The following PLD2 variants were observed in gnomAD, a reference collection of about 807,000 sequenced individuals.
PLD2 encodes phospholipase D2.
In PLD2, 101 loss-of-function variants were observed where a neutral mutation model predicts 119.8. That is an observed-to-expected ratio of 0.84 (90% CI 0.72 to 0.99). The LOEUF is 0.99. Among genes scored for constraint, PLD2 ranks in the 50% least tolerant of loss-of-function variants. The pLI is 0.00. For missense variants in PLD2, 1,164 were observed against 1,226.8 expected, an observed-to-expected ratio of 0.95 and a Z score of 0.76; for synonymous variants, 494 against 482.8, an observed-to-expected ratio of 1.02 and a Z score of -0.30.
rs1907447133 is a variant in PLD2 at position 4,819,719 on chromosome 17, T to C, written c.2462+137T>C. The C allele has an allele frequency of 4.6e-6, 4 of 870,166 alleles. No individual in the cohort carries two copies. Among genetic ancestry groups the C allele is most frequent in the South Asian group, 3.6e-5 (2 of 55,310 alleles). 53.9% of individuals were successfully genotyped at this position (870,166 alleles called of 1,614,324 possible). A position where few individuals can be genotyped will look rare whatever the true frequency, so the allele number is the denominator to read the frequency against. ...GTACTAGATTCTCAATAGGCAAGGC[T>C]GGGCGCGGCAGCTCACGCCTCTAAT... On this transcript the variant is annotated intron_variant, in intron 23 of 24. Coordinates refer to ENST00000263088, the MANE Select transcript of PLD2 (RefSeq NM_002663.5). The surrounding 1 kb of genome is among the most constrained non-coding windows in gnomAD (Gnocchi z 4.2).
intron 23 of PLD2, among the ~76,000 whole-genome samples, chr17:4,820,130 G>A (rs1369746774): frequency 6.6e-6 from 1 of 151,206 alleles, no homozygotes; most frequent in Non-Finnish European, 1.5e-5. Context: ...TTTTAGTAGA[G>A]ATGGGGTTTC....
In PLD2 at chr17:4,822,765, C is replaced by T; in HGVS notation, c.2703C>T (p.Gly901=). 1 of 1,612,592 alleles carries T rather than the reference C, an allele frequency of 6.2e-7. No individual in the cohort carries two copies. Among genetic ancestry groups the T allele is most frequent in the South Asian group, 1.1e-5 (1 of 91,048 alleles). The stretch of plus-strand genomic sequence containing the variant: ...GGTCTGAGCTCACCCAGGTCCAGGG[C>T]CACCTGGTCCACTTCCCCCTCAAGT... The part of the protein sequence containing the change: ...LARSELTQVQ[G]HLVHFPLKFL... Residue 901 remains glycine (G), a synonymous_variant, in exon 25 of 25, where the codon GGC becomes GGT. Coordinates refer to ENST00000263088, the MANE Select transcript of PLD2 (RefSeq NM_002663.5).
At chr17:4,813,155 G>A (rs1178812713) in intron 10 of PLD2, among the ~76,000 whole-genome samples, 3 of 152,000 alleles carry the variant, frequency 2.0e-5, no homozygotes, top group East Asian at 1.9e-4. Context: ...GATTACAGGC[G>A]TGCACCACTA....
At chr17:4,814,998 A>G (rs1906831150) in intron 12 of PLD2, among the ~76,000 whole-genome samples, 1 of 152,052 alleles carries the variant, frequency 6.6e-6, no homozygotes, top group Non-Finnish European at 1.5e-5. Flanking sequence ...CTCTCACTGG[A>G]CTAGTTAATA....
chr17:4,818,599 T>C lies in PLD2; in HGVS notation c.2115T>C (p.Phe705=), dbSNP rs1156824004. ...GGNSIQAILH[F]TYRTLCRGEY... ...ACTCCATCCAGGCCATTCTGCACTT[T>C]ACTTACAGGTGACCCCCCAGGCGGA... Residue 705 remains phenylalanine, a synonymous_variant, in exon 20 of 25, where the codon TTT becomes TTC. Transcript: ENST00000263088. 8.7e-6 allele frequency: 14 copies of C among 1,611,228 alleles called. No homozygotes were observed. The highest frequency in any genetic ancestry group is 1.1e-5 in the Non-Finnish European group (13 of 1,177,548).
At position 4,810,026 on chromosome 17, in the gene PLD2, A is replaced by G; in HGVS notation, c.857A>G (p.His286Arg). ...CACGGCGTGCGGATCGATACCTCCC[A>G]CAGGTGAGGCCTCCCTGGGGTGAGA... ...ARHGVRIDTS[H>R]RSLILKCSSY... Residue 286 changes from histidine to arginine, a missense_variant, in exon 9 of 25, where the codon CAC becomes CGC. Transcript: ENST00000263088. 1 of 1,612,650 alleles carries G rather than the reference A, an allele frequency of 6.2e-7. No homozygotes were observed. The highest frequency in any genetic ancestry group is 8.5e-7 in the Non-Finnish European group (1 of 1,179,964).
Position 4,818,002 on chromosome 17 carries a change from G to A in PLD2, c.1816G>A (p.Val606Ile). The change falls in exon 18 of 25, where the codon GTC becomes ATC. Residue 606 changes from valine (V) to isoleucine (I), a missense_variant and splice_region_variant. Coordinates refer to ENST00000263088, the MANE Select transcript of PLD2 (RefSeq NM_002663.5). ...LPGGQCTTVQ[V>I]LRSVDRWSAG... ...GCACATCGCATTCACCATTCCCTAG[G>A]TCTTGCGATCAGTGGACCGCTGGTC... is the stretch of plus-strand genomic sequence containing the variant. 2 of 1,602,506 alleles carry A rather than the reference G, an allele frequency of 1.2e-6. No homozygotes were observed. The highest frequency in any genetic ancestry group is 1.7e-6 in the Non-Finnish European group (2 of 1,169,414).
In PLD2 at chr17:4,815,508, T is replaced by C. The variant is rs1343739217; in HGVS notation, c.1206T>C (p.Phe402=). The change falls in exon 13 of 25, where the codon TTT becomes TTC. Residue 402 remains phenylalanine (F), a synonymous_variant. Coordinates refer to ENST00000263088, the MANE Select transcript of PLD2 (RefSeq NM_002663.5). The stretch of plus-strand genomic sequence containing the variant: ...GTGTCCGTGTGTCTATTCTGCTGTT[T>C]AAAGAAGTGGAATTGGCCTTGGGCA... ...EEGVRVSILL[F]KEVELALGIN... 6.2e-7 allele frequency: 1 copy of C among 1,613,292 alleles called. No homozygotes were observed. Among genetic ancestry groups the C allele is most frequent in the Non-Finnish European group, 8.5e-7 (1 of 1,179,362 alleles).
intron 20 of PLD2, 47 bp from the exon 21 acceptor site, chr17:4,818,727 C>T (rs756688657): frequency 1.5e-5 from 24 of 1,610,170 alleles, no homozygotes; most frequent in Middle Eastern, 1.6e-4. Flanking sequence ...CTGACCTCCC[C>T]TCCCCTCTGC....
Position 4,808,197 on chromosome 17 carries a change from G to A in PLD2, c.241-77G>A. ...GTGGCTGGGCTGGCCCCAGGGAAGG[G>A]GCAAAAGGAGGGCTGGCCAGAGTGG... On this transcript the variant is annotated intron_variant, in intron 3 of 24. Transcript: ENST00000263088. The surrounding 1 kb of genome is among the most constrained non-coding windows in gnomAD (Gnocchi z 4.1). The A allele has an allele frequency of 6.3e-7, 1 of 1,593,090 alleles. No homozygotes were observed. Among genetic ancestry groups the A allele is most frequent in the Non-Finnish European group, 8.6e-7 (1 of 1,166,388 alleles).
At position 4,816,724 on chromosome 17, in the gene PLD2, GCAGCTGGACCGGCCTT is replaced by G. The variant is rs1567531542; in HGVS notation, c.1561_1576del (p.Gln521SerfsTer129). 6.2e-7 allele frequency: 1 copy of G among 1,614,202 alleles called. No homozygotes were observed. The highest frequency in any genetic ancestry group is 1.1e-5 in the South Asian group (1 of 91,086). On this transcript the variant is annotated frameshift_variant, in exon 15 of 25. Transcript: ENST00000263088. LOFTEE classifies it high-confidence loss of function. ...GCAATCTTATCACCAAGGACTGGGT[GCAGCTGGACCGGCCTT>G]TCGAAGGTGAAGCCTCCCACCCGCC...
rs28585446 is a variant in PLD2, at chr17:4,817,977, G to A, written c.1816-25G>A. ...TGTCTTAAAAAAGAAAAGAAATGAA[G>A]CACATCGCATTCACCATTCCCTAGG... On this transcript the variant is annotated intron_variant, in intron 17 of 24. Coordinates refer to ENST00000263088, the MANE Select transcript of PLD2 (RefSeq NM_002663.5). The A allele has an allele frequency of 2.4e-4, 356 of 1,490,668 alleles. No individual in the cohort carries two copies. In the African/African-American group the frequency reaches 3.0e-3, roughly 13 times the overall value. 92.3% of individuals were successfully genotyped at this position (1,490,668 alleles called of 1,614,324 possible).
chr17:4,818,857 G>A, intron 21 of PLD2, 34 bp downstream of exon 21: 1 of 1,606,930 alleles, frequency 6.2e-7, no homozygotes, highest in Non-Finnish European at 8.5e-7. Flanking sequence ...CAAGCCCTGG[G>A]CCCCTGGGAG....
intron 10 of PLD2, among the ~76,000 whole-genome samples, chr17:4,811,560 G>A (rs1175929079): frequency 6.6e-6 from 1 of 152,122 alleles, no homozygotes; most frequent in Non-Finnish European, 1.5e-5. Flanking sequence ...TTACAGGCGT[G>A]AGCCACCGTG....
rs756924967 is a variant in PLD2, at chr17:4,818,350, C to T, written c.1974C>T (p.Gly658=). The change falls in exon 19 of 25, where the codon GGC becomes GGT. Residue 658 remains glycine, a synonymous_variant. Transcript: ENST00000263088. ...SDGRTVLNKV[G]DEIVDRILKA... ...GGCGGACGGTTCTGAACAAGGTGGG[C>T]GATGAGATTGTGGACAGAATCCTGA... 95 of 1,613,918 alleles carry T rather than the reference C, an allele frequency of 5.9e-5. No individual in the cohort carries two copies. In the Admixed American group the frequency reaches 6.2e-4, roughly 10 times the overall value.
rs749345735 is a variant in PLD2 at position 4,817,234 on chromosome 17, CAGG to C, written c.1794_1796del (p.Gly599del). ...GCCAATCAGCTCCCCTTCACACTTC[CAGG>C]AGGGCAGTGCACCACCGTACAGGTG... On this transcript the variant is annotated inframe_deletion, in exon 17 of 25. Coordinates refer to ENST00000263088, the MANE Select transcript of PLD2 (RefSeq NM_002663.5). 3 of 1,612,944 alleles carry C rather than the reference CAGG, an allele frequency of 1.9e-6. No individual in the cohort carries two copies. Among genetic ancestry groups the C allele is most frequent in the African/African-American group, 2.7e-5 (2 of 75,010 alleles).
Position 4,818,797 on chromosome 17 carries a change from C to G in PLD2, c.2147C>G (p.Ser716Ter). 1 of 1,614,156 alleles carries G rather than the reference C, an allele frequency of 6.2e-7. No homozygotes were observed. The change falls in exon 21 of 25, where the codon TCA (serine) becomes TGA (stop). Residue 716 changes from serine to a stop codon, truncating the protein, a stop_gained. Coordinates refer to ENST00000263088, the MANE Select transcript of PLD2 (RefSeq NM_002663.5). LOFTEE classifies it high-confidence loss of function. ...AGGACCCTGTGTCGTGGGGAGTATT[C>G]AATCCTGCATCGCCTTAAAGCAGCC... Reference protein sequence around the residue: ...TYRTLCRGEYSILHRLKAAMG... With the variant: ...TYRTLCRGEY
At chr17:4,810,064 G>GT (rs1301421735) in intron 9 of PLD2, 35 bp downstream of exon 9, 1 of 1,607,312 alleles carries the variant, frequency 6.2e-7, no homozygotes, top group East Asian at 2.2e-5. Context: ...CACCAGCTGA[G>GT]TGGTGAGCCC....
intron 10 of PLD2, among the ~76,000 whole-genome samples, chr17:4,811,297 C>CTTTTTTTTTTTTT (rs35190261): frequency 1.0e-4 from 8 of 77,848 alleles, no homozygotes; most frequent in South Asian, 4.8e-4. Flanking sequence ...ATTTTCTTTT[C>CTTTTTTTTTTTTT]TTTTTTTTTT....
Sources: allele counts gnomAD v4.1 joint callset (sites outside exome capture counted in the v4.1 genomes callset), GRCh38; gene constraint gnomAD v4.1.1; non-coding constraint Gnocchi (gnomAD v3.1); transcripts MANE v1.5; gene names NCBI Gene and HGNC (gene_info 2026-07-23, HGNC 2026-07-21).